The following SLCO6A1 variants were observed in gnomAD, a reference collection of about 807,000 sequenced individuals.
The protein encoded by SLCO6A1 is cancer/testis antigen 48.
A neutral mutation model predicts 72.7 loss-of-function variants in SLCO6A1; 65 were observed. That is an observed-to-expected ratio of 0.89 (90% confidence interval 0.73 to 1.10). The LOEUF (loss-of-function observed/expected upper bound fraction) is 1.10, where lower values mean the gene tolerates loss of function less well. SLCO6A1 is among the 50% of genes least tolerant of loss of function. SLCO6A1 has a pLI of 0.00. For synonymous variants in SLCO6A1, 314 were observed against 298.2 expected (o/e 1.05, Z -0.55); for missense variants, 874 against 872.6 (o/e 1.00, Z -0.02).
chr5:102,483,517 G>T (rs186613370), intron 1 of SLCO6A1, among the ~76,000 whole-genome samples: 1 of 152,154 alleles, frequency 6.6e-6, no homozygotes, highest in African/African-American at 2.4e-5. Flanking sequence ...ACCAATTGGT[G>T]TCTAGAACTA....
intron 1 of SLCO6A1, among the ~76,000 whole-genome samples, chr5:102,489,008 A>G (rs1478130682): frequency 6.6e-6 from 1 of 152,208 alleles, no homozygotes; most frequent in Non-Finnish European, 1.5e-5. Flanking sequence ...GGGAGACAGA[A>G]GCATAGAAAG....
chr5:102,395,567 G>T (rs1747024895), intron 10 of SLCO6A1, among the ~76,000 whole-genome samples: 1 of 152,038 alleles, frequency 6.6e-6, no homozygotes, highest in African/African-American at 2.4e-5. Context: ...GTAATGGGAT[G>T]GCTGGGTCAA....
chr5:102,379,115 T>G (rs1745975053), intron 12 of SLCO6A1, among the ~76,000 whole-genome samples: 1 of 152,140 alleles, frequency 6.6e-6, no homozygotes, highest in Non-Finnish European at 1.5e-5. Flanking sequence ...TATCTACTTT[T>G]GTGAAGAATT....
chr5:102,408,594 G>A (rs938216321), intron 9 of SLCO6A1, among the ~76,000 whole-genome samples: 1 of 152,082 alleles, frequency 6.6e-6, no homozygotes, highest in Non-Finnish European at 1.5e-5. Context: ...GTGGTGGGGG[G>A]AATGAGGAGT....
intron 1 of SLCO6A1, 114 bp downstream of exon 1, chr5:102,498,373 A>G (rs1358792049): frequency 3.2e-5 from 32 of 998,978 alleles, no homozygotes; most frequent in Non-Finnish European, 4.6e-5. Context: ...AGGCTGGGCC[A>G]CCCCAGGGCA....
intron 9 of SLCO6A1, 139 bp downstream of exon 9, chr5:102,412,851 T>C (rs1748063408): frequency 3.1e-6 from 1 of 321,944 alleles, no homozygotes; most frequent in African/African-American, 2.2e-5. Context: ...ATAGGTTTTA[T>C]ACAGAGTTGG....
At chr5:102,385,826 C>CTTTTTTT (rs57983218) in intron 12 of SLCO6A1, among the ~76,000 whole-genome samples, 2 of 121,216 alleles carry the variant, frequency 1.6e-5, no homozygotes, top group Non-Finnish European at 3.4e-5. Context: ...CCTGTTTTTC[C>CTTTTTTT]TTTTTTTTTT....
intron 8 of SLCO6A1, among the ~76,000 whole-genome samples, chr5:102,414,354 T>C (rs1327451457): frequency 6.6e-6 from 1 of 152,118 alleles, no homozygotes; most frequent in African/African-American, 2.4e-5. Context: ...AGCAGTCCTA[T>C]TCAAAATAGT....
At chr5:102,382,955 ATATATATAT>A (rs1447175625) in intron 12 of SLCO6A1, among the ~76,000 whole-genome samples, 2 of 122,040 alleles carry the variant, frequency 1.6e-5, no homozygotes, top group African/African-American at 7.3e-5. Flanking sequence ...TATATGAGAG[ATATATATAT>A]GTGTATATAT....
At chr5:102,469,144 C>CA (rs1561487365) in intron 4 of SLCO6A1, among the ~76,000 whole-genome samples, 1 of 146,824 alleles carries the variant, frequency 6.8e-6, no homozygotes, top group Non-Finnish European at 1.5e-5. Flanking sequence ...GCTATGCAGG[C>CA]TTTTTTTTTT....
chr5:102,493,506 G>T (rs749740555), intron 1 of SLCO6A1, among the ~76,000 whole-genome samples: 2 of 151,858 alleles, frequency 1.3e-5, no homozygotes, highest in East Asian at 3.8e-4. Context: ...CTGATAAAAG[G>T]CATCTTAAAA....
chr5:102,450,650 G>T (rs745577019), intron 6 of SLCO6A1, among the ~76,000 whole-genome samples: 3 of 152,216 alleles, frequency 2.0e-5, no homozygotes, highest in Non-Finnish European at 2.9e-5. Flanking sequence ...CCCTGGCTTG[G>T]AGGCACCAGG....
intron 4 of SLCO6A1, among the ~76,000 whole-genome samples, chr5:102,465,571 T>C (rs1200416770): frequency 1.3e-5 from 2 of 152,092 alleles, no homozygotes; most frequent in Non-Finnish European, 2.9e-5. Flanking sequence ...ACGCATTATG[T>C]CTAAAACAGT....
At chr5:102,475,057 C>A (rs929940663) in intron 4 of SLCO6A1, among the ~76,000 whole-genome samples, 1 of 151,886 alleles carries the variant, frequency 6.6e-6, no homozygotes, top group African/African-American at 2.4e-5. Context: ...AATAGACTTA[C>A]CATATGATCT....
At chr5:102,407,780 C>CA (rs1161853557) in intron 9 of SLCO6A1, among the ~76,000 whole-genome samples, 1 of 151,978 alleles carries the variant, frequency 6.6e-6, no homozygotes, top group African/African-American at 2.4e-5. Context: ...ATACAGCTAG[C>CA]AAAAAAATTA....
At chr5:102,442,534 G>C (rs1488772368) in intron 6 of SLCO6A1, among the ~76,000 whole-genome samples, 1 of 152,122 alleles carries the variant, frequency 6.6e-6, no homozygotes, top group Non-Finnish European at 1.5e-5. Context: ...GATTGCACGG[G>C]ATTACGAGAT....
chr5:102,464,053 G>C (rs907074923), intron 4 of SLCO6A1, among the ~76,000 whole-genome samples: 6 of 152,058 alleles, frequency 3.9e-5, no homozygotes, highest in African/African-American at 1.4e-4. Context: ...AGGGTAGGAT[G>C]GGGGGTGAGG....
rs536472518 is a variant in SLCO6A1, at chr5:102,413,196, A to C, written c.1473-53T>G. On this transcript the variant is annotated intron_variant, in intron 8 of 13. Transcript: ENST00000506729. ...TATTACCATTGTTTTATAATTATTG[A>C]TGCAAATGTCAAGATATCAGTGAGA... The C allele has an allele frequency of 4.1e-6, 6 of 1,472,990 alleles. No individual in the cohort carries two copies. The South Asian group carries it at 4.2e-5, about 10-fold the overall frequency. The allele number at this position is 1,472,990 out of a possible 1,614,324, so 91.2% of individuals were successfully genotyped here. A position where few individuals can be genotyped will look rare whatever the true frequency, so the allele number is the denominator to read the frequency against.
Position 102,486,941 on chromosome 5 carries a change from T to C in SLCO6A1, c.359-6507A>G, listed in dbSNP as rs142211789. Among the ~76,000 whole-genome samples the C allele has an allele frequency of 1.7e-3, 260 of 152,312 alleles. 1 individual carries two copies. Among genetic ancestry groups the C allele is most frequent in the South Asian group, 9.7e-3 (47 of 4,828 alleles). ...TAATTTCACAAAAAATAAATTATTATTTGAGTTAATTTATTTTCTATTTGA... is the reference window on the plus strand; with the variant it reads ...TAATTTCACAAAAAATAAATTATTACTTGAGTTAATTTATTTTCTATTTGA... On this transcript the variant is annotated intron_variant, in intron 1 of 13. Transcript: ENST00000506729.
Sources: gnomAD v4.1 joint callset for allele counts (sites outside exome capture counted in the v4.1 genomes callset) on GRCh38, gnomAD v4.1.1 for gene constraint, MANE v1.5 for transcripts, NCBI Gene and HGNC (gene_info 2026-07-23, HGNC 2026-07-21) for gene names.